The following DCTN4 variants were observed in gnomAD, a reference collection of about 807,000 sequenced individuals.
DCTN4 encodes the protein dynactin subunit 4.
DCTN4 carries 23 observed loss-of-function variants against 62.7 expected under a neutral mutation model. The ratio of observed to expected loss-of-function variants is 0.37; its 90% CI spans 0.26 to 0.52. DCTN4 has a LOEUF of 0.52. Among genes scored for constraint, DCTN4 ranks in the 20% least tolerant of loss-of-function variants. DCTN4 has a pLI of 0.92. For synonymous variants in DCTN4, 199 were observed against 202.1 expected (o/e 0.98, Z 0.13); for missense variants, 514 against 580.4 (o/e 0.89, Z 1.18).
chr5:150,748,940 T>G (rs1561709006), intron 3 of DCTN4, among the ~76,000 whole-genome samples: 1 of 148,632 alleles, frequency 6.7e-6, no homozygotes, highest in African/African-American at 2.5e-5. Flanking sequence ...AGTATAATAA[T>G]AAGAAAAAAA....
intron 3 of DCTN4, among the ~76,000 whole-genome samples, chr5:150,747,871 T>C (rs1439537230): frequency 4.8e-5 from 7 of 146,418 alleles, no homozygotes; most frequent in Admixed American, 1.4e-4. Flanking sequence ...ATTCAGGACA[T>C]AGGCATGGGC....
At chr5:150,715,250 A>T (rs996706848) in intron 12 of DCTN4, among the ~76,000 whole-genome samples, 16 of 152,202 alleles carry the variant, frequency 1.1e-4, no homozygotes, top group African/African-American at 3.6e-4. Flanking sequence ...ATAATTAAAA[A>T]TTTCTTTATT....
intron 3 of DCTN4, among the ~76,000 whole-genome samples, chr5:150,750,962 C>G (rs985878161): frequency 1.3e-5 from 2 of 152,078 alleles, no homozygotes; most frequent in African/African-American, 2.4e-5. Context: ...TATCCTCTTG[C>G]AAGAAATGGC....
Position 150,715,628 on chromosome 5 carries a change from C to A in DCTN4, c.1106G>T (p.Gly369Val). The part of the protein sequence containing the change: ...VVPPKELVLA[G>V]KDAAAEYDEL... ...ATCGTACTCTGCTGCTGCATCCTTGCCAGCTAAAACGAGCTCTTTGGGAGG... is the reference window on the plus strand; with the variant it reads ...ATCGTACTCTGCTGCTGCATCCTTGACAGCTAAAACGAGCTCTTTGGGAGG... The change falls in exon 12 of 13, where the codon GGC becomes GTC. Residue 369 changes from glycine to valine, a missense_variant. Gly to Val is a moderately radical substitution (Grantham distance 109). Transcript: ENST00000447998. 1 of 1,614,150 alleles carries A rather than the reference C, an allele frequency of 6.2e-7. No individual in the cohort carries two copies. The highest frequency in any genetic ancestry group is 8.5e-7 in the Non-Finnish European group (1 of 1,180,028).
chr5:150,726,596 G>A (rs1760153700), intron 8 of DCTN4, among the ~76,000 whole-genome samples: 1 of 152,100 alleles, frequency 6.6e-6, no homozygotes, highest in Non-Finnish European at 1.5e-5. Flanking sequence ...TATTTTTGGA[G>A]TGAAAATTAT....
chr5:150,733,079 C>T (rs1022869828), intron 5 of DCTN4, among the ~76,000 whole-genome samples: 2 of 152,142 alleles, frequency 1.3e-5, no homozygotes, highest in African/African-American at 2.4e-5. Flanking sequence ...AAAAGCTGTA[C>T]GTGGAACTCT....
intron 2 of DCTN4, among the ~76,000 whole-genome samples, chr5:150,754,186 G>A (rs1047001473): frequency 6.6e-6 from 1 of 152,146 alleles, no homozygotes; most frequent in African/African-American, 2.4e-5. Flanking sequence ...TTTTCCTAGT[G>A]CTCAGCCAAC....
At position 150,731,167 on chromosome 5, in the gene DCTN4, A is replaced by C. The variant is rs1372650369; in HGVS notation, c.612-11T>G. On this transcript the variant is annotated splice_polypyrimidine_tract_variant and intron_variant, in intron 6 of 12. Coordinates refer to ENST00000447998, the MANE Select transcript of DCTN4 (RefSeq NM_016221.4). ...TCTCCTTCTTTAAGGCTGAAAAATT[A>C]AAAAAACAAAACAAAACAAAACAAA... 1.5e-5 allele frequency: 24 copies of C among 1,550,796 alleles called. No individual in the cohort carries two copies. The highest frequency in any genetic ancestry group is 1.9e-5 in the Non-Finnish European group (21 of 1,124,666).
chr5:150,718,419 C>T (rs758064140), intron 10 of DCTN4, 36 bp from the exon 11 acceptor site: 1 of 1,502,266 alleles, frequency 6.7e-7, no homozygotes, highest in Non-Finnish European at 9.2e-7. Context: ...AGACATTCGC[C>T]ACTTTCTTAG....
chr5:150,711,210 C>T lies in DCTN4; in HGVS notation c.1322G>A (p.Gly441Glu). Residue 441 changes from glycine to glutamate, a missense_variant, in exon 13 of 13, where the codon GGA (glycine) becomes GAA (glutamate). Coordinates refer to ENST00000447998, the MANE Select transcript of DCTN4 (RefSeq NM_016221.4). ...PIRPIEESDQGTEVIWLTQHV... is the reference protein window; with the variant it reads ...PIRPIEESDQETEVIWLTQHV... The stretch of plus-strand genomic sequence containing the variant: ...CTGGGTGAGCCAGATGACTTCTGTT[C>T]CCTGGTCACTTTCTTCAATGGGGCG... 1 of 1,612,672 alleles carries T rather than the reference C, an allele frequency of 6.2e-7. No individual in the cohort carries two copies. Among genetic ancestry groups the T allele is most frequent in the Non-Finnish European group, 8.5e-7 (1 of 1,180,026 alleles).
chr5:150,731,197 T>C, intron 6 of DCTN4, 41 bp from the exon 7 acceptor site: 1 of 1,362,344 alleles, frequency 7.3e-7, no homozygotes, highest in Non-Finnish European at 1.0e-6. Context: ...AACAAAAGAG[T>C]AATTTCTCAC....
intron 11 of DCTN4, among the ~76,000 whole-genome samples, chr5:150,716,341 T>A (rs766596659): frequency 6.6e-6 from 1 of 152,196 alleles, no homozygotes; most frequent in Non-Finnish European, 1.5e-5. Flanking sequence ...ACAATGTTTT[T>A]TGACATGGTA....
chr5:150,733,817 A>G (rs1175697203), intron 4 of DCTN4: 2 of 172,386 alleles, frequency 1.2e-5, no homozygotes, highest in Non-Finnish European at 2.5e-5. Context: ...TTTATACTGT[A>G]TTTTATTCCC....
intron 8 of DCTN4, among the ~76,000 whole-genome samples, chr5:150,729,755 G>T (rs1318856031): frequency 2.0e-5 from 3 of 151,932 alleles, no homozygotes; most frequent in Non-Finnish European, 4.4e-5. Context: ...CAGAGTAGCT[G>T]GGACTACAAG....
intron 8 of DCTN4, among the ~76,000 whole-genome samples, chr5:150,726,992 A>G (rs1309023356): frequency 1.3e-5 from 2 of 152,138 alleles, no homozygotes; most frequent in Non-Finnish European, 2.9e-5. Context: ...TGATGTCTTG[A>G]CCTGAAGCAC....
intron 8 of DCTN4, among the ~76,000 whole-genome samples, chr5:150,725,218 TACTC>T: frequency 6.6e-6 from 1 of 151,382 alleles, no homozygotes; most frequent in East Asian, 1.9e-4. Context: ...AAATTTATAG[TACTC>T]ATTCTGCGGA....
chr5:150,715,641 G>C lies in DCTN4; in HGVS notation c.1093C>G (p.Leu365Val), dbSNP rs748895310. 2 of 1,614,182 alleles carry C rather than the reference G, an allele frequency of 1.2e-6. No individual in the cohort carries two copies. Among genetic ancestry groups the C allele is most frequent in the Admixed American group, 3.3e-5 (2 of 60,020 alleles). ...GCTGCATCCTTGCCAGCTAAAACGA[G>C]CTCTTTGGGAGGCACCACCACCTGG... ...TAKVVVPPKE[L>V]VLAGKDAAAE... Residue 365 changes from leucine (L) to valine (V), a missense_variant, in exon 12 of 13, where the codon CTC becomes GTC. Physicochemically the swap from Leu to Val is conservative, Grantham distance 32. Transcript: ENST00000447998.
intron 4 of DCTN4, among the ~76,000 whole-genome samples, chr5:150,734,942 G>A (rs994649019): frequency 3.9e-5 from 6 of 152,212 alleles, no homozygotes; most frequent in African/African-American, 1.2e-4. Context: ...AACTCCATTG[G>A]CCTGAGAACC....
intron 5 of DCTN4, among the ~76,000 whole-genome samples, chr5:150,732,239 T>G (rs1447852454): frequency 6.6e-6 from 1 of 152,216 alleles, no homozygotes; most frequent in East Asian, 1.9e-4. Context: ...AACCTCCGCC[T>G]CCTGGGTTCA....
Sources: gnomAD v4.1 joint callset for allele counts (sites outside exome capture counted in the v4.1 genomes callset) on GRCh38, gnomAD v4.1.1 for gene constraint, MANE v1.5 for transcripts, NCBI Gene and HGNC (gene_info 2026-07-23, HGNC 2026-07-21) for gene names.